The following ALCAM variants were observed in gnomAD, a reference collection of about 807,000 sequenced individuals.
ALCAM encodes the protein CD166 antigen.
In ALCAM, 30 loss-of-function variants were observed where a neutral mutation model predicts 70.9. The ratio of observed to expected loss-of-function variants is 0.42; its 90% CI spans 0.32 to 0.57. The LOEUF is 0.57. Among genes scored for constraint, ALCAM ranks in the 20% least tolerant of loss-of-function variants. The pLI is 0.11. For synonymous variants in ALCAM, 249 were observed against 242.5 expected (o/e 1.03, Z -0.25); for missense variants, 591 against 695.1 (o/e 0.85, Z 1.68).
At chr3:105,388,667 A>C (rs924283482) in intron 1 of ALCAM, among the ~76,000 whole-genome samples, 3 of 151,594 alleles carry the variant, frequency 2.0e-5, no homozygotes, top group Admixed American at 1.3e-4. Flanking sequence ...TTGGACTTGA[A>C]GCTTCACTAA....
intron 6 of ALCAM, among the ~76,000 whole-genome samples, chr3:105,537,006 C>A (rs918821554): frequency 6.6e-6 from 1 of 151,972 alleles, no homozygotes; most frequent in Non-Finnish European, 1.5e-5. Flanking sequence ...CTGAGGACTA[C>A]GAGTGGAGAA....
rs1016479258 is a variant in ALCAM at position 105,367,074 on chromosome 3, A to T, written c.-335A>T. 4 of 232,982 alleles carry T rather than the reference A, an allele frequency of 1.7e-5. No homozygotes were observed. Among genetic ancestry groups the T allele is most frequent in the African/African-American group, 9.1e-5 (4 of 43,892 alleles). The allele number at this position is 232,982 out of a possible 1,614,324, so 14.4% of individuals were successfully genotyped here. On this transcript the variant is annotated 5_prime_UTR_variant, in exon 1 of 16. The change abolishes the stop of an existing upstream ORF in the 5' untranslated region. Transcript: ENST00000306107. ...ATTATCATTCCAATACAAGGAAAAT[A>T]AAAGAAGATACCAGCGAAAAGAACC...
chr3:105,454,735 C>A (rs989267563), intron 1 of ALCAM, among the ~76,000 whole-genome samples: 3 of 125,206 alleles, frequency 2.4e-5, no homozygotes, highest in African/African-American at 9.1e-5. Flanking sequence ...GTGGCGCGAT[C>A]TCCGATCACT....
chr3:105,486,710 A>G (rs574600136), intron 1 of ALCAM, among the ~76,000 whole-genome samples: 8 of 152,122 alleles, frequency 5.3e-5, no homozygotes, highest in Non-Finnish European at 1.0e-4. Context: ...AATTCATTAG[A>G]TAGGGGACAT....
chr3:105,561,436 A>G (rs1473709621), intron 14 of ALCAM, among the ~76,000 whole-genome samples: 1 of 152,086 alleles, frequency 6.6e-6, no homozygotes, highest in Non-Finnish European at 1.5e-5. Context: ...TTCAGAATGG[A>G]CACCTTTGCG....
intron 6 of ALCAM, among the ~76,000 whole-genome samples, chr3:105,537,783 G>T (rs1940010300): frequency 6.6e-6 from 1 of 152,010 alleles, no homozygotes; most frequent in Non-Finnish European, 1.5e-5. Context: ...TATTAAGTTT[G>T]GTGTCTTTAC....
At chr3:105,397,471 C>A (rs1249738574) in intron 1 of ALCAM, among the ~76,000 whole-genome samples, 2 of 151,704 alleles carry the variant, frequency 1.3e-5, no homozygotes, top group African/African-American at 2.4e-5. Flanking sequence ...ATAATTTATA[C>A]CAAGTATAGA....
At chr3:105,388,666 AAG>A (rs1935719670) in intron 1 of ALCAM, among the ~76,000 whole-genome samples, 1 of 151,588 alleles carries the variant, frequency 6.6e-6, no homozygotes, top group South Asian at 2.1e-4. Context: ...GTTGGACTTG[AAG>A]CTTCACTAAA....
intron 1 of ALCAM, among the ~76,000 whole-genome samples, chr3:105,435,163 G>T (rs562025517): frequency 6.6e-6 from 1 of 152,214 alleles, no homozygotes; most frequent in Non-Finnish European, 1.5e-5. Flanking sequence ...TCTAAAATAT[G>T]TATTTTTTTA....
At chr3:105,419,098 A>T (rs1936579603) in intron 1 of ALCAM, among the ~76,000 whole-genome samples, 1 of 151,744 alleles carries the variant, frequency 6.6e-6, no homozygotes, top group African/African-American at 2.4e-5. Context: ...GCTGTATTAT[A>T]TAGGATAAAA....
At position 105,367,347 on chromosome 3, in the gene ALCAM, G is replaced by C; in HGVS notation, c.-62G>C. 1.9e-6 allele frequency: 3 copies of C among 1,577,296 alleles called. No individual in the cohort carries two copies. The highest frequency in any genetic ancestry group is 1.1e-5 in the South Asian group (1 of 89,556). ...CCAGCGCGCGGGCACCGCGGGGCCCGGGACGACGCCCCCTCCTGCGGCGTG... is the reference window on the plus strand; with the variant it reads ...CCAGCGCGCGGGCACCGCGGGGCCCCGGACGACGCCCCCTCCTGCGGCGTG... On this transcript the variant is annotated 5_prime_UTR_variant, in exon 1 of 16. Transcript: ENST00000306107.
intron 1 of ALCAM, among the ~76,000 whole-genome samples, chr3:105,467,136 T>C (rs141330713): frequency 6.6e-6 from 1 of 151,460 alleles, no homozygotes; most frequent in African/African-American, 2.4e-5. Context: ...TTCAGGACTC[T>C]GGTGAGAATT....
chr3:105,523,145 A>C (rs1939594617), intron 2 of ALCAM, among the ~76,000 whole-genome samples: 1 of 93,038 alleles, frequency 1.1e-5, no homozygotes, highest in Non-Finnish European at 2.2e-5. Flanking sequence ...GTCTCAAAAA[A>C]AAAAAAAAAA....
intron 1 of ALCAM, among the ~76,000 whole-genome samples, chr3:105,404,542 T>A (rs969620504): frequency 1.3e-5 from 2 of 152,002 alleles, no homozygotes; most frequent in Non-Finnish European, 2.9e-5. Flanking sequence ...GCTAAGAGAA[T>A]TTGCCACTAC....
In ALCAM at chr3:105,487,532, GA is replaced by G. The variant is rs1278715502; in HGVS notation, c.74-32527del. 3.3e-5 allele frequency among the ~76,000 whole-genome samples: 5 copies of G among 151,786 alleles called. No homozygotes were observed. In the East Asian group the frequency reaches 7.7e-4, roughly 23 times the overall value. ...CTATCAGCTACACTGGAGGAATAGA[GA>G]AAAAAAATGAAAATGGACAAGTAAT... On this transcript the variant is annotated intron_variant, in intron 1 of 15. Coordinates refer to ENST00000306107, the MANE Select transcript of ALCAM (RefSeq NM_001627.4).
intron 1 of ALCAM, among the ~76,000 whole-genome samples, chr3:105,413,100 A>G (rs1431010789): frequency 6.6e-6 from 1 of 152,122 alleles, no homozygotes; most frequent in Non-Finnish European, 1.5e-5. Flanking sequence ...ACCACCAACT[A>G]GCATAGTGAC....
At chr3:105,454,931 C>T (rs188803901) in intron 1 of ALCAM, among the ~76,000 whole-genome samples, 176 of 151,608 alleles carry the variant, frequency 1.2e-3, no homozygotes, top group African/African-American at 4.0e-3. Context: ...ATGCTGGCCT[C>T]GGCCTCCCAA....
In ALCAM at chr3:105,541,927, A is replaced by G. The variant is rs569207544; in HGVS notation, c.991+162A>G. Among the ~76,000 whole-genome samples the G allele has an allele frequency of 2.0e-5, 3 of 152,070 alleles. No homozygotes were observed. In the South Asian group the frequency reaches 6.2e-4, roughly 31 times the overall value. ...CATCGGGATAAGCTCAACTTTGTCC[A>G]GATTTGTACTGCAATATTGAAACCT... On this transcript the variant is annotated intron_variant, in intron 8 of 15. Coordinates refer to ENST00000306107, the MANE Select transcript of ALCAM (RefSeq NM_001627.4).
intron 1 of ALCAM, among the ~76,000 whole-genome samples, chr3:105,375,606 T>C (rs1559769496): frequency 6.6e-6 from 1 of 152,174 alleles, no homozygotes; most frequent in Admixed American, 6.5e-5. Context: ...AATAATTTTG[T>C]TTGAAATTCA....
Sources: allele counts gnomAD v4.1 joint callset (sites outside exome capture counted in the v4.1 genomes callset), GRCh38; gene constraint gnomAD v4.1.1; transcripts MANE v1.5; gene names NCBI Gene and HGNC (gene_info 2026-07-23, HGNC 2026-07-21).